PDZD8: variants seen among roughly 807,000 people sequenced by gnomAD.
PDZD8 encodes PDZ domain-containing protein 8.
A neutral mutation model predicts 85.8 loss-of-function variants in PDZD8; 14 were observed. The ratio of observed to expected loss-of-function variants is 0.16; its 90% CI spans 0.11 to 0.26. The LOEUF is 0.26. Among genes scored for constraint, PDZD8 ranks in the 10% least tolerant of loss-of-function variants. The pLI is 1.00. For synonymous variants in PDZD8, 592 were observed against 568.6 expected (o/e 1.04, Z -0.59); for missense variants, 1,197 against 1,424.3 (o/e 0.84, Z 2.57).
intron 2 of PDZD8, among the ~76,000 whole-genome samples, chr10:117,323,439 A>G (rs543983171): frequency 6.6e-6 from 1 of 152,200 alleles, no homozygotes; most frequent in Admixed American, 6.5e-5. Flanking sequence ...AAAAGCAGTT[A>G]AACAGCTTTT....
At chr10:117,306,715 A>C (rs756734050) in intron 3 of PDZD8, among the ~76,000 whole-genome samples, 8 of 152,010 alleles carry the variant, frequency 5.3e-5, no homozygotes, top group Non-Finnish European at 1.0e-4. Context: ...TCTTGAAATA[A>C]TTTCAACCTT....
At chr10:117,325,649 C>G (rs965404338) in intron 2 of PDZD8, among the ~76,000 whole-genome samples, 4 of 151,992 alleles carry the variant, frequency 2.6e-5, no homozygotes, top group African/African-American at 4.8e-5. Flanking sequence ...GTGATCTGCC[C>G]ACCTCAGCCT....
At chr10:117,351,212 C>G (rs1033648429) in intron 1 of PDZD8, among the ~76,000 whole-genome samples, 2 of 152,068 alleles carry the variant, frequency 1.3e-5, no homozygotes, top group Non-Finnish European at 2.9e-5. Context: ...CAAATGTTCA[C>G]CAAAAGGCAT....
chr10:117,363,324 G>C (rs567557629), intron 1 of PDZD8, among the ~76,000 whole-genome samples: 1 of 152,182 alleles, frequency 6.6e-6, no homozygotes, highest in East Asian at 1.9e-4. Flanking sequence ...ACAAACACCA[G>C]ATGCACTATT....
chr10:117,313,584 A>G (rs758802104), intron 3 of PDZD8, among the ~76,000 whole-genome samples: 2 of 152,152 alleles, frequency 1.3e-5, no homozygotes, highest in Non-Finnish European at 2.9e-5. Flanking sequence ...AATTGTGACA[A>G]AATATTCTCC....
intron 2 of PDZD8, among the ~76,000 whole-genome samples, chr10:117,331,528 C>G (rs1481022067): frequency 6.6e-6 from 1 of 152,090 alleles, no homozygotes; most frequent in Non-Finnish European, 1.5e-5. Context: ...ACAAATGCTA[C>G]CCGTGAATAA....
intron 1 of PDZD8, among the ~76,000 whole-genome samples, chr10:117,358,124 T>C (rs1387617264): frequency 6.6e-6 from 1 of 152,116 alleles, no homozygotes; most frequent in African/African-American, 2.4e-5. Context: ...AAAAGTCAAA[T>C]AAAAAAGTTC....
intron 1 of PDZD8, among the ~76,000 whole-genome samples, chr10:117,373,178 T>C (rs963917425): frequency 3.3e-5 from 5 of 152,128 alleles, no homozygotes; most frequent in Non-Finnish European, 7.4e-5. Flanking sequence ...TCCTACAATA[T>C]TAAAACAAAA....
At chr10:117,350,734 T>C (rs965391206) in intron 1 of PDZD8, among the ~76,000 whole-genome samples, 1 of 151,440 alleles carries the variant, frequency 6.6e-6, no homozygotes, top group Non-Finnish European at 1.5e-5. Flanking sequence ...AAACCCCGTC[T>C]CTACTAAAAA....
intron 3 of PDZD8, among the ~76,000 whole-genome samples, chr10:117,318,472 T>C (rs2133809172): frequency 6.6e-6 from 1 of 152,316 alleles, no homozygotes; most frequent in Non-Finnish European, 1.5e-5. Flanking sequence ...TTTTTTGTCT[T>C]GAACAGTTTC....
chr10:117,357,766 C>CAAAAAAAAA (rs767138640), intron 1 of PDZD8, among the ~76,000 whole-genome samples: 2 of 47,468 alleles, frequency 4.2e-5, no homozygotes, highest in African/African-American at 9.2e-5. Context: ...ACTTCATCTC[C>CAAAAAAAAA]AAAAAAAAAA....
chr10:117,305,990 T>G (rs2532782), intron 3 of PDZD8, among the ~76,000 whole-genome samples: 116,920 of 152,010 alleles, frequency 0.77, 45,623 homozygotes, highest in Non-Finnish European at 0.85. Flanking sequence ...ACTGGGTTGT[T>G]GTCAACATTA....
chr10:117,340,773 C>A (rs192981530), intron 2 of PDZD8, among the ~76,000 whole-genome samples: 1 of 152,028 alleles, frequency 6.6e-6, no homozygotes, highest in Non-Finnish European at 1.5e-5. Context: ...AGAGTAAATG[C>A]CTCTCCCTCC....
At chr10:117,313,939 TC>T (rs1564696477) in intron 3 of PDZD8, among the ~76,000 whole-genome samples, 1 of 152,170 alleles carries the variant, frequency 6.6e-6, no homozygotes, top group African/African-American at 2.4e-5. Context: ...CCCCATACTT[TC>T]AGATCTCTCC....
At chr10:117,326,997 C>A (rs1433056917) in intron 2 of PDZD8, among the ~76,000 whole-genome samples, 1 of 152,230 alleles carries the variant, frequency 6.6e-6, no homozygotes, top group Non-Finnish European at 1.5e-5. Context: ...ATACTCCAAA[C>A]TCTTCATACT....
At chr10:117,307,837 CT>C (rs1843969512) in intron 3 of PDZD8, among the ~76,000 whole-genome samples, 1 of 152,072 alleles carries the variant, frequency 6.6e-6, no homozygotes, top group African/African-American at 2.4e-5. Flanking sequence ...GTTTCTACCC[CT>C]TTCCACTTAC....
intron 3 of PDZD8, among the ~76,000 whole-genome samples, chr10:117,308,659 G>A (rs1344773280): frequency 6.6e-6 from 1 of 152,174 alleles, no homozygotes; most frequent in African/African-American, 2.4e-5. Context: ...CACCATTTGT[G>A]GAAATGATAT....
In PDZD8 at chr10:117,283,169, C is replaced by T; in HGVS notation, c.*99G>A. The T allele has an allele frequency of 8.4e-7, 1 of 1,196,412 alleles. No homozygotes were observed. The highest frequency in any genetic ancestry group is 1.2e-6 in the Non-Finnish European group (1 of 868,806). The allele number at this position is 1,196,412 out of a possible 1,614,324, so 74.1% of individuals were successfully genotyped here. ...TTACACAAGCAAGTAACTGGAGAAG[C>T]AGGCCAGAGTGCATACGAGGATTTA... On this transcript the variant is annotated 3_prime_UTR_variant, in exon 5 of 5. Coordinates refer to ENST00000334464, the MANE Select transcript of PDZD8 (RefSeq NM_173791.5).
Position 117,347,921 on chromosome 10 carries a change from G to T in PDZD8, c.873-6819C>A, listed in dbSNP as rs118133728. ...AATTTATAAAGACAGAAAAGTACAT[G>T]AGGGGTTATTTAGGCCTGGGGGTAG... On this transcript the variant is annotated intron_variant, in intron 1 of 4. Transcript: ENST00000334464. Among the ~76,000 whole-genome samples, 108 of 152,320 alleles carry T rather than the reference G, an allele frequency of 7.1e-4. 1 individual carries two copies. The highest frequency in any genetic ancestry group is 2.5e-3 in the African/African-American group (104 of 41,570).
Sources: gnomAD v4.1 joint callset for allele counts (sites outside exome capture counted in the v4.1 genomes callset) on GRCh38, gnomAD v4.1.1 for gene constraint, MANE v1.5 for transcripts, NCBI Gene and HGNC (gene_info 2026-07-23, HGNC 2026-07-21) for gene names.